Variants in CACNA1A observed in about 807,000 individuals in gnomAD.
CACNA1A encodes voltage-dependent P/Q-type calcium channel subunit alpha-1A.
In CACNA1A, 57 loss-of-function variants were observed where a neutral mutation model predicts 262.4. The observed-to-expected ratio is 0.22, with a 90% CI of 0.18 to 0.27. The LOEUF (loss-of-function observed/expected upper bound fraction) is 0.27. Ranked by LOEUF, CACNA1A falls within the 10% of genes least tolerant of loss-of-function variation. The pLI, the probability that CACNA1A is intolerant of heterozygous loss-of-function variation, is 1.00. For synonymous variants in CACNA1A, 1,431 were observed against 1,419.3 expected (o/e 1.01, Z -0.18); for missense variants, 2,526 against 3,562.8 (o/e 0.71, Z 7.41).
chr19:13,228,749 A>C, intron 36 of CACNA1A: 1 of 1,602,556 alleles, frequency 6.2e-7, no homozygotes, highest in Non-Finnish European at 8.5e-7. Flanking sequence ...AGAGGGGGAG[A>C]TATTACTCGT....
At chr19:13,321,056 T>A (rs1447855242) in intron 10 of CACNA1A, among the ~76,000 whole-genome samples, 1 of 144,370 alleles carries the variant, frequency 6.9e-6, no homozygotes, top group Admixed American at 7.1e-5. Context: ...TTTTTTGAGA[T>A]AGAGTCTCAT....
chr19:13,229,314 C>A (rs979017635), intron 36 of CACNA1A, among the ~76,000 whole-genome samples: 1 of 152,144 alleles, frequency 6.6e-6, no homozygotes, highest in Non-Finnish European at 1.5e-5. Flanking sequence ...TGCTGAGGGC[C>A]CCCCAGTAAT....
intron 3 of CACNA1A, among the ~76,000 whole-genome samples, chr19:13,409,054 G>A (rs146047794): frequency 2.1e-4 from 32 of 152,338 alleles, no homozygotes; most frequent in East Asian, 1.2e-3. Context: ...GCACGTCTCC[G>A]TGGCAACAGG....
chr19:13,388,242 CTTCT>C (rs2059649753), intron 3 of CACNA1A, among the ~76,000 whole-genome samples: 3 of 128,380 alleles, frequency 2.3e-5, no homozygotes, highest in African/African-American at 5.9e-5. Flanking sequence ...ATTTCTTCCT[CTTCT>C]TTTTTTTTTT....
chr19:13,226,116 A>G (rs2055428275), intron 37 of CACNA1A: 1 of 152,114 alleles, frequency 6.6e-6, no homozygotes. Context: ...TGCCTTTTTC[A>G]AATTTGCACA....
chr19:13,401,653 C>G (rs1470256766), intron 3 of CACNA1A, among the ~76,000 whole-genome samples: 1 of 152,108 alleles, frequency 6.6e-6, no homozygotes, highest in Admixed American at 6.6e-5. Context: ...CTCATAAGTA[C>G]CTCCCACTCC....
chr19:13,237,095 C>T (rs894837469), intron 31 of CACNA1A, among the ~76,000 whole-genome samples: 1 of 152,194 alleles, frequency 6.6e-6, no homozygotes, highest in Non-Finnish European at 1.5e-5. Flanking sequence ...TCCCTGGAAG[C>T]AGGCCACATG....
At chr19:13,312,827 G>C (rs1294571599) in intron 11 of CACNA1A, 46 bp from the exon 12 acceptor site, 1 of 987,874 alleles carries the variant, frequency 1.0e-6, no homozygotes, top group Non-Finnish European at 1.5e-6. Context: ...GGCTTGCTGA[G>C]GGTAGGGGTT....
At chr19:13,402,835 CAT>C (rs1349249132) in intron 3 of CACNA1A, among the ~76,000 whole-genome samples, 39 of 102,204 alleles carry the variant, frequency 3.8e-4, no homozygotes, top group South Asian at 6.1e-4. Flanking sequence ...CATATATATA[CAT>C]ATATATACAC....
chr19:13,235,828 G>A (rs1250379855), intron 31 of CACNA1A, 98 bp from the exon 32 acceptor site: 3 of 758,706 alleles, frequency 4.0e-6, no homozygotes, highest in Non-Finnish European at 6.7e-6. Flanking sequence ...CAACCAACAG[G>A]AAAAAAGCAA....
chr19:13,268,979 G>A (rs1281585262), intron 24 of CACNA1A, among the ~76,000 whole-genome samples: 3 of 147,594 alleles, frequency 2.0e-5, no homozygotes, highest in Non-Finnish European at 3.0e-5. Flanking sequence ...GATTACAGGC[G>A]TAAGCCACCG....
chr19:13,224,556 G>C (rs1256717223), intron 38 of CACNA1A, 111 bp downstream of exon 38: 9 of 714,830 alleles, frequency 1.3e-5, no homozygotes, highest in Non-Finnish European at 2.2e-5. Context: ...GAATGGAAGA[G>C]TGAATGAAGA....
intron 38 of CACNA1A, among the ~76,000 whole-genome samples, chr19:13,216,708 A>G (rs912759611): frequency 2.1e-5 from 3 of 144,894 alleles, no homozygotes; most frequent in Middle Eastern, 3.6e-3. Flanking sequence ...TCATCTATCT[A>G]TCGATCGACA....
chr19:13,282,163 G>A (rs901364181), intron 22 of CACNA1A, among the ~76,000 whole-genome samples: 1 of 152,234 alleles, frequency 6.6e-6, no homozygotes, highest in East Asian at 1.9e-4. Context: ...GTCCCCAGGG[G>A]GGCCTGCCAG....
intron 3 of CACNA1A, among the ~76,000 whole-genome samples, chr19:13,434,754 T>G (rs906444788): frequency 6.6e-6 from 1 of 152,160 alleles, no homozygotes; most frequent in East Asian, 1.9e-4. Flanking sequence ...CTCTTTTCTT[T>G]ATAAATTACC....
At chr19:13,428,948 G>T (rs2060451787) in intron 3 of CACNA1A, among the ~76,000 whole-genome samples, 1 of 151,968 alleles carries the variant, frequency 6.6e-6, no homozygotes, top group Admixed American at 6.6e-5. Context: ...CTTGAGGACG[G>T]CACAGGTGAA....
intron 3 of CACNA1A, among the ~76,000 whole-genome samples, chr19:13,429,745 A>G (rs566855839): frequency 1.1e-4 from 17 of 152,002 alleles, no homozygotes; most frequent in African/African-American, 3.6e-4. Flanking sequence ...ACAGATAAGC[A>G]AAGTGTGGTC....
chr19:13,266,864 C>T (rs574134268), intron 24 of CACNA1A, among the ~76,000 whole-genome samples: 3 of 152,310 alleles, frequency 2.0e-5, no homozygotes, highest in South Asian at 2.1e-4. Flanking sequence ...CGTGAGCCAC[C>T]GTGTCTGGCC....
rs768430536 is a variant in CACNA1A, at chr19:13,299,193, C to T, written c.2440G>A (p.Asp814Asn). ...GGCCGGTCCAAGTGCGTCTTCATGTCTGGCCGCAGGTGCCGCGTGTAGGCA... is the reference window on the plus strand; with the variant it reads ...GGCCGGTCCAAGTGCGTCTTCATGTTTGGCCGCAGGTGCCGCGTGTAGGCA... ...KAAYTRHLRP[D>N]MKTHLDRPLV... Residue 814 changes from aspartate to asparagine, a missense_variant, in exon 19 of 47, where the codon GAC becomes AAC. Coordinates refer to ENST00000360228, the MANE Select transcript of CACNA1A (RefSeq NM_001127222.2). 1.9e-6 allele frequency: 3 copies of T among 1,612,546 alleles called. No individual in the cohort carries two copies. Among genetic ancestry groups the T allele is most frequent in the African/African-American group, 1.3e-5 (1 of 74,942 alleles).
Sources: allele counts gnomAD v4.1 joint callset (sites outside exome capture counted in the v4.1 genomes callset), GRCh38; gene constraint gnomAD v4.1.1; transcripts MANE v1.5; gene names NCBI Gene and HGNC (gene_info 2026-07-23, HGNC 2026-07-21).